Variants in ATRNL1 observed in about 807,000 individuals in gnomAD.
ATRNL1 encodes the protein attractin like 1.
ATRNL1 carries 95 observed loss-of-function variants against 182.7 expected under a neutral mutation model. The ratio of observed to expected loss-of-function variants is 0.52; its 90% CI spans 0.44 to 0.62. ATRNL1 has a LOEUF of 0.62. ATRNL1 is among the 20% of genes least tolerant of loss of function. The pLI is 0.00. For synonymous variants in ATRNL1, 576 were observed against 568.3 expected, an observed-to-expected ratio of 1.01 and a Z score of -0.19; for missense variants, 1,471 against 1,679.5, an observed-to-expected ratio of 0.88 and a Z score of 2.17.
intron 26 of ATRNL1, among the ~76,000 whole-genome samples, chr10:115,693,970 T>G (rs1231907147): frequency 2.0e-5 from 3 of 152,080 alleles, no homozygotes; most frequent in African/African-American, 7.2e-5. Flanking sequence ...AATTCTCCTG[T>G]GAATGGAAAA....
chr10:115,774,215 G>T (rs1485902685), intron 27 of ATRNL1, among the ~76,000 whole-genome samples: 2 of 151,982 alleles, frequency 1.3e-5, no homozygotes, highest in Non-Finnish European at 2.9e-5. Context: ...ATCACCTGAG[G>T]TCAGGAGTTT....
At chr10:115,429,498 A>G (rs1220194179) in intron 21 of ATRNL1, among the ~76,000 whole-genome samples, 1 of 152,140 alleles carries the variant, frequency 6.6e-6, no homozygotes, top group East Asian at 1.9e-4. Context: ...CTTGTATCAC[A>G]TTAAGCAAAT....
chr10:115,461,009 A>C (rs566026936), intron 21 of ATRNL1, among the ~76,000 whole-genome samples: 1 of 152,242 alleles, frequency 6.6e-6, no homozygotes, highest in South Asian at 2.1e-4. Flanking sequence ...TAAATTATAC[A>C]ATAAATATAT....
intron 8 of ATRNL1, among the ~76,000 whole-genome samples, chr10:115,183,673 G>A (rs1372979704): frequency 6.6e-6 from 1 of 151,442 alleles, no homozygotes; most frequent in Non-Finnish European, 1.5e-5. Context: ...ACTTTCCTTA[G>A]AAAAAGTGGA....
chr10:115,885,286 A>G (rs1442421611), intron 28 of ATRNL1, among the ~76,000 whole-genome samples: 1 of 152,224 alleles, frequency 6.6e-6, no homozygotes, highest in Non-Finnish European at 1.5e-5. Flanking sequence ...ATTGATAATA[A>G]TACTGTTAGC....
intron 26 of ATRNL1, among the ~76,000 whole-genome samples, chr10:115,555,192 A>G (rs1056343845): frequency 6.6e-6 from 1 of 151,874 alleles, no homozygotes; most frequent in Non-Finnish European, 1.5e-5. Context: ...ACAGGAACTC[A>G]GAGAGAAGTA....
At chr10:115,630,824 T>TTA (rs1555026059) in intron 26 of ATRNL1, among the ~76,000 whole-genome samples, 22 of 96,580 alleles carry the variant, frequency 2.3e-4, no homozygotes, top group African/African-American at 7.7e-4. Context: ...AATATATGTA[T>TTA]TATACACACA....
chr10:115,719,476 A>G (rs1486056272), intron 26 of ATRNL1, among the ~76,000 whole-genome samples: 1 of 152,220 alleles, frequency 6.6e-6, no homozygotes, highest in African/African-American at 2.4e-5. Context: ...TTTGTTAATG[A>G]GAAGTCAGCA....
chr10:115,855,693 G>T (rs971275133), intron 28 of ATRNL1, among the ~76,000 whole-genome samples: 7 of 152,142 alleles, frequency 4.6e-5, no homozygotes, highest in Non-Finnish European at 7.4e-5. Flanking sequence ...ACTGGATTTT[G>T]TGTTTTTATA....
chr10:115,562,586 A>G lies in ATRNL1; in HGVS notation c.3795+13050A>G, dbSNP rs190468139. Among the ~76,000 whole-genome samples the G allele has an allele frequency of 2.4e-4, 36 of 152,244 alleles. 1 individual carries two copies. The highest frequency in any genetic ancestry group is 2.2e-3 in the Admixed American group (33 of 15,288). ...CCATGTCATGGGAGGGACAAGATAG[A>G]GATAATTGAATCATGAGGGCCGTTT... On this transcript the variant is annotated intron_variant, in intron 26 of 28. Transcript: ENST00000355044.
intron 8 of ATRNL1, among the ~76,000 whole-genome samples, chr10:115,184,459 AAGT>A (rs1407632235): frequency 2.0e-5 from 3 of 151,524 alleles, no homozygotes; most frequent in Non-Finnish European, 4.4e-5. Context: ...TATAACTATG[AAGT>A]AGTAATATAT....
At chr10:115,326,690 A>C (rs541874540) in intron 18 of ATRNL1, among the ~76,000 whole-genome samples, 7 of 152,048 alleles carry the variant, frequency 4.6e-5, no homozygotes, top group African/African-American at 7.2e-5. Context: ...ACTATACTAC[A>C]AGGCTACAGT....
intron 25 of ATRNL1, among the ~76,000 whole-genome samples, chr10:115,544,486 G>A (rs1852533499): frequency 6.6e-6 from 1 of 152,166 alleles, no homozygotes; most frequent in African/African-American, 2.4e-5. Flanking sequence ...ATGGTAGAAG[G>A]TGAAGGGGGG....
intron 25 of ATRNL1, among the ~76,000 whole-genome samples, chr10:115,529,523 GCTT>G (rs1291411228): frequency 2.1e-5 from 3 of 141,344 alleles, no homozygotes; most frequent in African/African-American, 7.4e-5. Flanking sequence ...AATTGAATGA[GCTT>G]CTAATGTTCT....
chr10:115,343,467 T>A (rs114931413), intron 19 of ATRNL1, among the ~76,000 whole-genome samples: 1,964 of 152,298 alleles, frequency 0.013, 37 homozygotes, highest in African/African-American at 0.044. Context: ...AATTTCTCCT[T>A]GATACCTTTT....
intron 27 of ATRNL1, among the ~76,000 whole-genome samples, chr10:115,802,799 A>G (rs1555084672): frequency 6.6e-6 from 1 of 152,232 alleles, no homozygotes; most frequent in Non-Finnish European, 1.5e-5. Flanking sequence ...AGGCTAATCC[A>G]TAAATCAGCA....
chr10:115,848,378 A>C (rs1220942720), intron 28 of ATRNL1, among the ~76,000 whole-genome samples: 1 of 152,146 alleles, frequency 6.6e-6, no homozygotes, highest in African/African-American at 2.4e-5. Context: ...AAATATGATT[A>C]GAAATTTGCT....
chr10:115,739,178 A>T (rs1308519566), intron 27 of ATRNL1, among the ~76,000 whole-genome samples: 1 of 152,188 alleles, frequency 6.6e-6, no homozygotes, highest in African/African-American at 2.4e-5. Context: ...ATTTGGATGT[A>T]CAAAAGGCTT....
At position 115,722,915 on chromosome 10, in the gene ATRNL1, A is replaced by G. The variant is rs181215963; in HGVS notation, c.3796-4333A>G. On this transcript the variant is annotated intron_variant, in intron 26 of 28. Coordinates refer to ENST00000355044, the MANE Select transcript of ATRNL1 (RefSeq NM_207303.4). ...AGAAGACATAAATTCTAGAACATCAAAGGACATATAAGAGTTTTAAAAGTT... is the reference window on the plus strand; with the variant it reads ...AGAAGACATAAATTCTAGAACATCAGAGGACATATAAGAGTTTTAAAAGTT... Among the ~76,000 whole-genome samples the G allele has an allele frequency of 2.4e-3, 360 of 152,306 alleles. 2 individuals are homozygous for G. Among genetic ancestry groups the G allele is most frequent in the African/African-American group, 8.2e-3 (342 of 41,568 alleles).
Sources: allele counts gnomAD v4.1 joint callset (sites outside exome capture counted in the v4.1 genomes callset), GRCh38; gene constraint gnomAD v4.1.1; transcripts MANE v1.5; gene names NCBI Gene and HGNC (gene_info 2026-07-23, HGNC 2026-07-21).